The following FAS variants were observed in gnomAD, a reference collection of about 807,000 sequenced individuals.
The protein encoded by FAS is tumor necrosis factor receptor superfamily member 6.
Under a neutral mutation model 33.2 loss-of-function variants are expected in FAS, and 5 were observed. That is an observed-to-expected ratio of 0.15 (90% CI 0.08 to 0.32). The LOEUF is 0.32. Ranked by LOEUF, FAS falls within the 10% of genes least tolerant of loss-of-function variation. FAS has a pLI of 1.00. For synonymous variants in FAS, 131 were observed against 130.7 expected (o/e 1.00, Z -0.01); for missense variants, 339 against 386.0 (o/e 0.88, Z 1.02).
At chr10:88,968,604 G>A (rs1443244386) in intron 1 of FAS, among the ~76,000 whole-genome samples, 1 of 152,178 alleles carries the variant, frequency 6.6e-6, no homozygotes, top group Non-Finnish European at 1.5e-5. Context: ...AGAAGTGGAT[G>A]TAGGCAATCC....
At chr10:88,968,719 T>C (rs1454214586) in intron 1 of FAS, among the ~76,000 whole-genome samples, 2 of 152,210 alleles carry the variant, frequency 1.3e-5, no homozygotes, top group Non-Finnish European at 2.9e-5. Context: ...TCTCACTGGC[T>C]GGCCTGGAAT....
chr10:88,969,172 A>G (rs1365967568), intron 1 of FAS, among the ~76,000 whole-genome samples: 1 of 152,208 alleles, frequency 6.6e-6, no homozygotes, highest in Non-Finnish European at 1.5e-5. Context: ...TATAATCTTA[A>G]GCAGTGAGAA....
chr10:88,968,270 C>G (rs1005138719), intron 1 of FAS, among the ~76,000 whole-genome samples: 6 of 152,082 alleles, frequency 3.9e-5, no homozygotes, highest in Non-Finnish European at 7.4e-5. Flanking sequence ...TTTGAGTGGT[C>G]CTATCTATGC....
In FAS at chr10:89,015,438, C is replaced by A. The variant is rs1848757060; in HGVS notation, c.*988C>A. On this transcript the variant is annotated 3_prime_UTR_variant, in exon 9 of 9. Coordinates refer to ENST00000652046, the MANE Select transcript of FAS (RefSeq NM_000043.6). ...TTTTTCCCCCACCCCCGAAAATGTT[C>A]AATAATGTCCCATGTAAAACCTGCT... 1.9e-6 allele frequency: 1 copy of A among 531,022 alleles called. No individual in the cohort carries two copies. The highest frequency in any genetic ancestry group is 2.2e-5 in the Admixed American group (1 of 44,512). 32.9% of individuals were successfully genotyped at this position (531,022 alleles called of 1,614,324 possible). A position where few individuals can be genotyped will look rare whatever the true frequency, so the allele number is the denominator to read the frequency against.
At chr10:88,968,383 T>C (rs1462760720) in intron 1 of FAS, among the ~76,000 whole-genome samples, 2 of 152,198 alleles carry the variant, frequency 1.3e-5, no homozygotes, top group Admixed American at 1.3e-4. Flanking sequence ...TTGATCATCT[T>C]GGGTTTAAAA....
chr10:89,011,869 T>G, intron 6 of FAS, 130 bp from the exon 7 acceptor site: 2 of 833,374 alleles, frequency 2.4e-6, no homozygotes, highest in Non-Finnish European at 3.9e-6. Flanking sequence ...TCCTGCGATG[T>G]TTGGCCACTT....
At chr10:88,999,172 T>TAAAAAAAAA (rs1305255295) in intron 1 of FAS, among the ~76,000 whole-genome samples, 2 of 143,972 alleles carry the variant, frequency 1.4e-5, no homozygotes, top group Admixed American at 6.8e-5. Flanking sequence ...AATAAATAAA[T>TAAAAAAAAA]AAAATAAAAT....
chr10:89,013,868 A>T (rs771527313), intron 8 of FAS, among the ~76,000 whole-genome samples: 7 of 152,206 alleles, frequency 4.6e-5, no homozygotes, highest in Non-Finnish European at 1.0e-4. Context: ...CTTAATTTAT[A>T]AATGAGAAAA....
chr10:89,011,126 T>C (rs1848508594), intron 6 of FAS, among the ~76,000 whole-genome samples: 1 of 152,200 alleles, frequency 6.6e-6, no homozygotes, highest in Non-Finnish European at 1.5e-5. Context: ...GATCTCCCTA[T>C]GCAAAAAGAG....
chr10:88,995,787 C>T (rs1847552043), intron 1 of FAS, among the ~76,000 whole-genome samples: 1 of 152,188 alleles, frequency 6.6e-6, no homozygotes, highest in South Asian at 2.1e-4. Context: ...GATCATGCCA[C>T]TGCACTCCAG....
intron 2 of FAS, among the ~76,000 whole-genome samples, chr10:88,978,779 C>G (rs896854680): frequency 6.6e-6 from 1 of 152,114 alleles, no homozygotes; most frequent in Non-Finnish European, 1.5e-5. Context: ...CAAATTCATG[C>G]TAAATTGTTC....
chr10:89,015,933 ATAAT>A lies in FAS; in HGVS notation c.*1486_*1489del. 1 of 278,844 alleles carries A rather than the reference ATAAT, an allele frequency of 3.6e-6. No individual in the cohort carries two copies. Among genetic ancestry groups the A allele is most frequent in the South Asian group, 7.4e-5 (1 of 13,452 alleles). The allele number at this position is 278,844 out of a possible 1,614,324, so 17.3% of individuals were successfully genotyped here. A position where few individuals can be genotyped will look rare whatever the true frequency, so the allele number is the denominator to read the frequency against. The stretch of plus-strand genomic sequence containing the variant: ...TAACCTTAACCCTTTTAGTAGTTAA[ATAAT>A]TATTTCCATAGGTTGCTATTGCCAA... On this transcript the variant is annotated 3_prime_UTR_variant, in exon 9 of 9. Coordinates refer to ENST00000652046, the MANE Select transcript of FAS (RefSeq NM_000043.6).
intron 1 of FAS, among the ~76,000 whole-genome samples, chr10:88,995,851 C>T (rs978691798): frequency 1.3e-5 from 2 of 150,546 alleles, no homozygotes; most frequent in Non-Finnish European, 3.0e-5. Context: ...AACAAAAAAT[C>T]ATACCTTTAG....
At chr10:88,984,920 A>ATGTT (rs1352914331), upstream of FAS, among the ~76,000 whole-genome samples, 1 of 152,196 alleles carries the variant, frequency 6.6e-6, no homozygotes, top group Non-Finnish European at 1.5e-5. Context: ...AGAAGCCAAG[A>ATGTT]TGTTAGGCTG....
intron 2 of FAS, among the ~76,000 whole-genome samples, chr10:88,976,211 A>T (rs1175413966): frequency 6.6e-6 from 1 of 152,244 alleles, no homozygotes; most frequent in Non-Finnish European, 1.5e-5. Flanking sequence ...AGCTAAAAAA[A>T]AAATCGCCAA....
rs1290926270 is a variant in FAS at position 88,990,891 on chromosome 10, G to C, written c.15G>C (p.Trp5Cys). MLGI[W>C]TLLPLVLTSV... ...GCTCAACAACCATGCTGGGCATCTGGACCCTCCTACCTCTGGTGAGCCCTC... is the reference window on the plus strand; with the variant it reads ...GCTCAACAACCATGCTGGGCATCTGCACCCTCCTACCTCTGGTGAGCCCTC... Residue 5 changes from tryptophan (W) to cysteine (C), a missense_variant, in exon 1 of 9, where the codon TGG becomes TGC. Trp to Cys is a radical substitution (Grantham distance 215). Transcript: ENST00000652046. This position sits in a 1 kb window ranked among gnomAD's most constrained non-coding sequence, Gnocchi z 4.9. 6.2e-7 allele frequency: 1 copy of C among 1,614,240 alleles called. No homozygotes were observed. The highest frequency in any genetic ancestry group is 1.3e-5 in the African/African-American group (1 of 75,068).
rs751798922 is a variant in FAS at position 89,010,525 on chromosome 10, A to AT, written c.444-5dup. Reference sequence around the variant, plus strand: ...TGCCAGGCTTTTGAATTTCTCCTGTATTTTTTTTTCTAGATGTGAACATGG... The same window carrying AT: ...TGCCAGGCTTTTGAATTTCTCCTGTATTTTTTTTTTCTAGATGTGAACATGG... On this transcript the variant is annotated splice_polypyrimidine_tract_variant and intron_variant, in intron 4 of 8. Transcript: ENST00000652046. 1,105 of 1,569,100 alleles carry AT rather than the reference A, an allele frequency of 7.0e-4. 1 individual carries two copies. The highest frequency in any genetic ancestry group is 8.3e-4 in the Non-Finnish European group (954 of 1,143,350).
exon 2 of FAS, chr10:88,973,253 A>G: frequency 6.2e-7 from 1 of 1,612,570 alleles, no homozygotes; most frequent in South Asian, 1.1e-5. Flanking sequence ...TTGGCTATGG[A>G]CCAAATGGAT....
intron 1 of FAS, chr10:88,973,134 CT>C: frequency 6.5e-7 from 1 of 1,530,850 alleles, no homozygotes. Context: ...TTTCCTGGGC[CT>C]TGCCTCCCAA....
Sources: gnomAD v4.1 joint callset for allele counts (sites outside exome capture counted in the v4.1 genomes callset) on GRCh38, gnomAD v4.1.1 for gene constraint, Gnocchi (gnomAD v3.1) non-coding constraint, MANE v1.5 for transcripts, NCBI Gene and HGNC (gene_info 2026-07-23, HGNC 2026-07-21) for gene names.